The following AUTS2 variants were observed in gnomAD, a reference collection of about 807,000 sequenced individuals.
The protein encoded by AUTS2 is autism susceptibility gene 2 protein.
A neutral mutation model predicts 112.4 loss-of-function variants in AUTS2; 17 were observed. The ratio of observed to expected loss-of-function variants is 0.15; its 90% CI spans 0.10 to 0.23. AUTS2 has a LOEUF of 0.23. AUTS2 is among the 10% of genes least tolerant of loss of function. The pLI, the probability that AUTS2 is intolerant of heterozygous loss-of-function variation, is 1.00. For missense variants in AUTS2, 1,510 were observed against 1,701.6 expected (o/e 0.89, Z 1.98); for synonymous variants, 751 against 702.7 (o/e 1.07, Z -1.09).
chr7:70,655,780 CT>C (rs955983989), intron 5 of AUTS2, among the ~76,000 whole-genome samples: 3 of 152,180 alleles, frequency 2.0e-5, no homozygotes, highest in African/African-American at 7.2e-5. Context: ...GGGATGGCTA[CT>C]GGGGGAGCAG....
chr7:69,693,845 CA>C (rs573322045), intron 1 of AUTS2, among the ~76,000 whole-genome samples: 55 of 152,340 alleles, frequency 3.6e-4, no homozygotes, highest in African/African-American at 1.3e-3. Context: ...GGACCAGCAG[CA>C]TCCCTTGGGA....
chr7:69,850,083 T>G (rs993241398), intron 1 of AUTS2, among the ~76,000 whole-genome samples: 2 of 151,734 alleles, frequency 1.3e-5, no homozygotes, highest in Admixed American at 6.6e-5. Flanking sequence ...TCACCTGAGG[T>G]CAGGAGATTG....
intron 1 of AUTS2, among the ~76,000 whole-genome samples, chr7:69,702,092 C>T (rs1055211020): frequency 3.9e-5 from 6 of 152,224 alleles, no homozygotes; most frequent in Admixed American, 6.5e-5. Flanking sequence ...TGAGGGACTT[C>T]GAGAGGTCAA....
At chr7:70,732,039 C>T (rs1258073962) in intron 6 of AUTS2, among the ~76,000 whole-genome samples, 1 of 152,120 alleles carries the variant, frequency 6.6e-6, no homozygotes, top group Non-Finnish European at 1.5e-5. Flanking sequence ...CATTACTTTT[C>T]CCCTCCAGTA....
intron 4 of AUTS2, among the ~76,000 whole-genome samples, chr7:70,366,299 G>A (rs1000080445): frequency 1.3e-5 from 2 of 152,040 alleles, no homozygotes; most frequent in Non-Finnish European, 2.9e-5. Flanking sequence ...AAATTGACAA[G>A]AGAACACAAA....
intron 1 of AUTS2, among the ~76,000 whole-genome samples, chr7:69,660,906 C>A (rs1458134902): frequency 1.3e-5 from 2 of 152,348 alleles, no homozygotes; most frequent in East Asian, 3.9e-4. Flanking sequence ...TGCACTTCAG[C>A]CTGGGCGACA....
chr7:70,072,480 C>G (rs1802821787), intron 2 of AUTS2, among the ~76,000 whole-genome samples: 1 of 152,232 alleles, frequency 6.6e-6, no homozygotes, highest in East Asian at 1.9e-4. Flanking sequence ...GGTAGCCAGG[C>G]TTGGTTCAAG....
Position 70,164,877 on chromosome 7 carries a change from A to T in AUTS2, c.660+30306A>T, listed in dbSNP as rs563597272. Among the ~76,000 whole-genome samples, 6 of 152,318 alleles carry T rather than the reference A, an allele frequency of 3.9e-5. No individual in the cohort carries two copies. In the South Asian group the frequency reaches 1.2e-3, roughly 32 times the overall value. On this transcript the variant is annotated intron_variant, in intron 4 of 18. Transcript: ENST00000342771. ...GATAAAAAAAAAAGGTGACTGTTCA[A>T]GATGTAAAATAGTCAACAAAATCTG...
intron 5 of AUTS2, among the ~76,000 whole-genome samples, chr7:70,535,516 G>A (rs1245245203): frequency 6.6e-6 from 1 of 152,138 alleles, no homozygotes; most frequent in Non-Finnish European, 1.5e-5. Flanking sequence ...CCAGGTTCAA[G>A]TGATTCTCCT....
At chr7:70,454,275 C>A (rs1331042003) in intron 5 of AUTS2, among the ~76,000 whole-genome samples, 1 of 152,178 alleles carries the variant, frequency 6.6e-6, no homozygotes, top group East Asian at 1.9e-4. Context: ...TGTCTCACGC[C>A]TGTAATCCCA....
chr7:70,516,935 G>A (rs1799440744), intron 5 of AUTS2, among the ~76,000 whole-genome samples: 1 of 152,088 alleles, frequency 6.6e-6, no homozygotes, highest in Non-Finnish European at 1.5e-5. Context: ...AAAAATGTGA[G>A]GGATTTGTGT....
At chr7:69,938,166 A>T (rs367579079) in intron 2 of AUTS2, among the ~76,000 whole-genome samples, 1 of 152,216 alleles carries the variant, frequency 6.6e-6, no homozygotes, top group Admixed American at 6.5e-5. Context: ...ACATTGTGGA[A>T]TGCAAGACCT....
chr7:70,734,127 T>C (rs1787628966), intron 6 of AUTS2, among the ~76,000 whole-genome samples: 1 of 151,996 alleles, frequency 6.6e-6, no homozygotes, highest in South Asian at 2.1e-4. Context: ...CTTCACGTTG[T>C]ACTCGTTTGT....
At chr7:70,459,506 C>G (rs920246234) in intron 5 of AUTS2, among the ~76,000 whole-genome samples, 1 of 152,164 alleles carries the variant, frequency 6.6e-6, no homozygotes, top group South Asian at 2.1e-4. Flanking sequence ...GTCCAGGGTC[C>G]GTGTGAGCCC....
chr7:69,765,714 AG>A (rs1351760313), intron 1 of AUTS2, among the ~76,000 whole-genome samples: 1 of 151,772 alleles, frequency 6.6e-6, no homozygotes, highest in African/African-American at 2.4e-5. Context: ...CCGAAGCGGG[AG>A]GATTGCTTGA....
At chr7:69,626,646 G>A (rs1298309643) in intron 1 of AUTS2, among the ~76,000 whole-genome samples, 2 of 152,168 alleles carry the variant, frequency 1.3e-5, no homozygotes, top group Non-Finnish European at 2.9e-5. Flanking sequence ...AAAGTATCAA[G>A]TGAACAAGCT....
At chr7:69,747,522 T>C (rs1342291918) in intron 1 of AUTS2, among the ~76,000 whole-genome samples, 1 of 152,168 alleles carries the variant, frequency 6.6e-6, no homozygotes, top group Admixed American at 6.5e-5. Flanking sequence ...ATAAACAAGA[T>C]CTTGTTTTGT....
At chr7:69,649,748 T>G (rs2851506) in intron 1 of AUTS2, among the ~76,000 whole-genome samples, 93,353 of 151,264 alleles carry the variant, frequency 0.62, 29,022 homozygotes, top group East Asian at 0.7. Context: ...TAGATGAGGG[T>G]TATAGAGAAT....
chr7:70,734,870 A>G (rs947331489), intron 6 of AUTS2, among the ~76,000 whole-genome samples: 5 of 152,156 alleles, frequency 3.3e-5, no homozygotes, highest in African/African-American at 1.2e-4. Context: ...GCCTGCTTTC[A>G]TGCCTAATAG....
Sources: gnomAD v4.1 joint callset for allele counts (sites outside exome capture counted in the v4.1 genomes callset) on GRCh38, gnomAD v4.1.1 for gene constraint, MANE v1.5 for transcripts, NCBI Gene and HGNC (gene_info 2026-07-23, HGNC 2026-07-21) for gene names.